PIK3R6: variants seen among roughly 807,000 people sequenced by gnomAD.
The protein encoded by PIK3R6 is phosphoinositide-3-kinase regulatory subunit 6.
A neutral mutation model predicts 84.9 loss-of-function variants in PIK3R6; 91 were observed. The ratio of observed to expected loss-of-function variants is 1.07; its 90% CI spans 0.90 to 1.28. The LOEUF (loss-of-function observed/expected upper bound fraction) is 1.28. Ranked by LOEUF, PIK3R6 falls within the 50% of genes most tolerant of loss-of-function variation. PIK3R6 has a pLI of 0.00. For missense variants in PIK3R6, 996 were observed against 985.1 expected (o/e 1.01, Z -0.15); for synonymous variants, 416 against 411.4 (o/e 1.01, Z -0.13).
At chr17:8,820,788 G>A (rs973868523) in intron 17 of PIK3R6, among the ~76,000 whole-genome samples, 1 of 152,176 alleles carries the variant, frequency 6.6e-6, no homozygotes, top group Non-Finnish European at 1.5e-5. Context: ...TGTCAGAAAG[G>A]CGCCTTAATT....
intron 12 of PIK3R6, among the ~76,000 whole-genome samples, chr17:8,827,852 AT>A (rs2087998101): frequency 6.8e-6 from 1 of 146,242 alleles, no homozygotes; most frequent in Non-Finnish European, 1.5e-5. Flanking sequence ...AACTAATTCC[AT>A]TACCTACAAA....
rs1284119664 is a variant in PIK3R6, at chr17:8,803,548, G to C, written c.2109-119C>G. The C allele has an allele frequency of 1.9e-6, 2 of 1,034,302 alleles. No homozygotes were observed. Among genetic ancestry groups the C allele is most frequent in the East Asian group, 5.4e-5 (2 of 37,272 alleles). The allele number at this position is 1,034,302 out of a possible 1,614,324, so 64.1% of individuals were successfully genotyped here. A position where few individuals can be genotyped will look rare whatever the true frequency, so the allele number is the denominator to read the frequency against. ...AGCTGTTATTGTAGGGCATAGAGGA[G>C]GCGGCTACACAGAAGAAAGAGGAAG... On this transcript the variant is annotated intron_variant, in intron 19 of 19. Transcript: ENST00000619866. The surrounding 1 kb of genome is among the most constrained non-coding windows in gnomAD (Gnocchi z 5.0).
intron 1 of PIK3R6, among the ~76,000 whole-genome samples, chr17:8,852,603 G>A (rs2089000534): frequency 6.6e-6 from 1 of 152,106 alleles, no homozygotes; most frequent in African/African-American, 2.4e-5. Context: ...GCCAGGTGTG[G>A]TGGCGTGTGC....
At chr17:8,819,922 TATATATATATATATA>T (rs1284748131) in intron 17 of PIK3R6, among the ~76,000 whole-genome samples, 1,436 of 80,354 alleles carry the variant, frequency 0.018, 34 homozygotes, top group African/African-American at 0.077. Context: ...ATATATATTT[TATATATATATATATA>T]TTTTTATATA....
intron 2 of PIK3R6, among the ~76,000 whole-genome samples, chr17:8,840,761 G>T (rs1415126923): frequency 1.3e-5 from 2 of 150,648 alleles, no homozygotes; most frequent in Admixed American, 1.3e-4. Flanking sequence ...TTGTGTGTGT[G>T]TGTGTGTGTG....
intron 9 of PIK3R6, 49 bp from the exon 10 acceptor site, chr17:8,829,841 C>G (rs2088173773): frequency 1.4e-6 from 2 of 1,425,956 alleles, no homozygotes; most frequent in African/African-American, 2.9e-5. Flanking sequence ...CCATGGGACC[C>G]TCCTCTGCCC....
In PIK3R6 at chr17:8,814,215, C is replaced by CTTTTTTTTTTTT. The variant is rs112750429; in HGVS notation, c.1995+4856_1995+4867dup. 1.1e-4 allele frequency among the ~76,000 whole-genome samples: 9 copies of CTTTTTTTTTTTT among 85,538 alleles called. 1 individual carries two copies. Among genetic ancestry groups the CTTTTTTTTTTTT allele is most frequent in the East Asian group, 4.3e-4 (1 of 2,310 alleles). The allele number at this position is 85,538 out of a possible 152,430, so 56.1% of individuals were successfully genotyped here. A position where few individuals can be genotyped will look rare whatever the true frequency, so the allele number is the denominator to read the frequency against. On this transcript the variant is annotated intron_variant, in intron 18 of 19. Transcript: ENST00000619866. ...TCCACTCTTTAGTTCAGAGAGAGAT[C>CTTTTTTTTTTTT]TTTTTTTTTTTTTTTTTTTTTTGAG...
intron 2 of PIK3R6, among the ~76,000 whole-genome samples, chr17:8,843,630 A>G (rs1410811714): frequency 6.6e-6 from 1 of 150,630 alleles, no homozygotes; most frequent in East Asian, 1.9e-4. Flanking sequence ...GGGCTTGTAT[A>G]GTGTCTTAAA....
In PIK3R6 at chr17:8,842,110, G is replaced by A. The variant is rs2088696560; in HGVS notation, c.14-2413C>T. Reference sequence around the variant, plus strand: ...TCCACCAGGAGTGGAAGTTTCCTGAGCCCTGAGCCCCTTATCAGAAGCAGA... The same window carrying A: ...TCCACCAGGAGTGGAAGTTTCCTGAACCCTGAGCCCCTTATCAGAAGCAGA... On this transcript the variant is annotated intron_variant, in intron 2 of 19. Coordinates refer to ENST00000619866, the MANE Select transcript of PIK3R6 (RefSeq NM_001010855.4). This position sits in a 1 kb window ranked among gnomAD's most constrained non-coding sequence, Gnocchi z 4.5. Among the ~76,000 whole-genome samples the A allele has an allele frequency of 6.6e-6, 1 of 152,116 alleles. No homozygotes were observed. The highest frequency in any genetic ancestry group is 1.5e-5 in the Non-Finnish European group (1 of 68,020).
chr17:8,853,147 C>A (rs1033607610), intron 1 of PIK3R6, among the ~76,000 whole-genome samples: 1 of 151,808 alleles, frequency 6.6e-6, no homozygotes, highest in African/African-American at 2.4e-5. Flanking sequence ...TGGCTGAATT[C>A]GGAAGATACA....
At chr17:8,865,609 T>G (rs1366954530) in intron 1 of PIK3R6, among the ~76,000 whole-genome samples, 2 of 125,590 alleles carry the variant, frequency 1.6e-5, no homozygotes, top group East Asian at 2.0e-4. Context: ...CATAGCTGTG[T>G]TTTTTTTTTT....
intron 7 of PIK3R6, among the ~76,000 whole-genome samples, chr17:8,836,257 G>A (rs2088461973): frequency 6.6e-6 from 1 of 152,236 alleles, no homozygotes; most frequent in South Asian, 2.1e-4. Context: ...GAATGACAGA[G>A]CCCCAGAGTG....
intron 10 of PIK3R6, 84 bp downstream of exon 10, chr17:8,829,604 ACACACTGACACACGCATG>A (rs1456077395): frequency 1.7e-5 from 21 of 1,207,022 alleles, no homozygotes; most frequent in African/African-American, 1.2e-4. Flanking sequence ...TCATGCATAC[ACACACTGACACACGCATG>A]CACACTGACA....
At chr17:8,823,794 G>T (rs1276922452) in intron 13 of PIK3R6, among the ~76,000 whole-genome samples, 2 of 152,224 alleles carry the variant, frequency 1.3e-5, no homozygotes, top group Non-Finnish European at 2.9e-5. Flanking sequence ...ATGCTGGAGA[G>T]TGAATCTAAT....
Position 8,832,786 on chromosome 17 carries a change from C to T in PIK3R6, c.802+103G>A, listed in dbSNP as rs867363889. Reference sequence around the variant, plus strand: ...AGGCTCCTGGGAGTCGGCCAGGCACCCAGACAGAGGCAGGTCCAGCGCTGC... The same window carrying T: ...AGGCTCCTGGGAGTCGGCCAGGCACTCAGACAGAGGCAGGTCCAGCGCTGC... On this transcript the variant is annotated intron_variant, in intron 9 of 19. Coordinates refer to ENST00000619866, the MANE Select transcript of PIK3R6 (RefSeq NM_001010855.4). 6.5e-5 allele frequency: 101 copies of T among 1,556,170 alleles called. No homozygotes were observed. In the African/African-American group the frequency reaches 1.1e-3, roughly 17 times the overall value.
chr17:8,816,394 A>G (rs917650141), intron 18 of PIK3R6, among the ~76,000 whole-genome samples: 3 of 152,138 alleles, frequency 2.0e-5, no homozygotes, highest in Non-Finnish European at 4.4e-5. Flanking sequence ...GTAGTATGTA[A>G]AATTGTGGTA....
Position 8,804,107 on chromosome 17 carries a change from CG to C in PIK3R6, c.2041del (p.Arg681GlyfsTer6), listed in dbSNP as rs762484113. ...CGACAGTGTCAGCAGCCTCTGGTCCCGGCTCTGGATCTGGATATTGTTCGTC... is the reference window on the plus strand; with the variant it reads ...CGACAGTGTCAGCAGCCTCTGGTCCCGCTCTGGATCTGGATATTGTTCGTC... The part of the protein sequence containing the change: ...FRTNNIQIQS[R>X]DQRLLTLSLD... On this transcript the variant is annotated frameshift_variant, in exon 19 of 20. Transcript: ENST00000619866. LOFTEE classifies it high-confidence loss of function. The C allele has an allele frequency of 1.2e-6, 2 of 1,613,878 alleles. No homozygotes were observed. Among genetic ancestry groups the C allele is most frequent in the African/African-American group, 2.7e-5 (2 of 74,928 alleles).
intron 18 of PIK3R6, among the ~76,000 whole-genome samples, chr17:8,807,860 G>A (rs1027374159): frequency 1.3e-5 from 2 of 152,200 alleles, no homozygotes; most frequent in African/African-American, 4.8e-5. Flanking sequence ...GAGGATCAGA[G>A]TATTGCCGGG....
rs1318562820 is a variant in PIK3R6, at chr17:8,822,914, T to C, written c.1717+82A>G. ...CACTGAGGGTGTGGGCGTGCAGGCATCATCAGGTGAGAGGTGGAAGGATGA... is the reference window on the plus strand; with the variant it reads ...CACTGAGGGTGTGGGCGTGCAGGCACCATCAGGTGAGAGGTGGAAGGATGA... On this transcript the variant is annotated intron_variant, in intron 15 of 19. Transcript: ENST00000619866. 1.5e-5 allele frequency: 18 copies of C among 1,186,760 alleles called. No individual in the cohort carries two copies. The Admixed American group carries it at 3.0e-4, about 20-fold the overall frequency. 73.5% of individuals were successfully genotyped at this position (1,186,760 alleles called of 1,614,324 possible).
Sources: allele counts gnomAD v4.1 joint callset (sites outside exome capture counted in the v4.1 genomes callset), GRCh38; gene constraint gnomAD v4.1.1; non-coding constraint Gnocchi (gnomAD v3.1); transcripts MANE v1.5; gene names NCBI Gene and HGNC (gene_info 2026-07-23, HGNC 2026-07-21).